NUFIP1: variants seen among roughly 807,000 people sequenced by gnomAD.
NUFIP1 encodes FMR1-interacting protein NUFIP1.
In NUFIP1, 38 loss-of-function variants were observed where a neutral mutation model predicts 56.2. That is an observed-to-expected ratio of 0.68 (90% confidence interval 0.52 to 0.89). The LOEUF is 0.89. Ranked by LOEUF, NUFIP1 falls within the 40% of genes least tolerant of loss-of-function variation. NUFIP1 has a pLI of 0.00. For missense variants in NUFIP1, 567 were observed against 605.8 expected (o/e 0.94, Z 0.67); for synonymous variants, 215 against 212.4 (o/e 1.01, Z -0.10).
chr13:44,960,586 G>A (rs1199671420), intron 6 of NUFIP1, among the ~76,000 whole-genome samples: 3 of 152,214 alleles, frequency 2.0e-5, no homozygotes, highest in African/African-American at 7.2e-5. Context: ...CATTTTTAAG[G>A]AGTTAAAGTT....
chr13:44,988,876 A>T, intron 1 of NUFIP1, 149 bp downstream of exon 1: 1 of 719,310 alleles, frequency 1.4e-6, no homozygotes, highest in Non-Finnish European at 2.2e-6. Flanking sequence ...TTTTGTAGAG[A>T]CGGGGGTCTC....
chr13:44,941,260 G>T lies in NUFIP1; in HGVS notation c.1434C>A (p.Ile478=), dbSNP rs17066360. ...NVILQCVRYI[I]KKDFFGLDTN... is the part of the protein sequence containing the mutation. ...TATCCAGTCCAAAAAAGTCTTTTTT[G>T]ATGATGTACCGAACACACTGCAAAA... The change falls in exon 10 of 10, where the codon ATC becomes ATA. Residue 478 remains isoleucine, a synonymous_variant. Coordinates refer to ENST00000379161, the MANE Select transcript of NUFIP1 (RefSeq NM_012345.3). 1.2e-6 allele frequency: 2 copies of T among 1,611,772 alleles called. No homozygotes were observed. Among genetic ancestry groups the T allele is most frequent in the Non-Finnish European group, 1.7e-6 (2 of 1,179,200 alleles).
At chr13:44,957,303 G>A (rs868273695) in intron 7 of NUFIP1, among the ~76,000 whole-genome samples, 1 of 152,038 alleles carries the variant, frequency 6.6e-6, no homozygotes, top group African/African-American at 2.4e-5. Flanking sequence ...CCTCCACCTC[G>A]GGGGTTCAAG....
At chr13:44,967,660 G>T (rs573243627) in intron 5 of NUFIP1, among the ~76,000 whole-genome samples, 1 of 152,338 alleles carries the variant, frequency 6.6e-6, no homozygotes, top group Non-Finnish European at 1.5e-5. Context: ...AATTCAGCAG[G>T]TGATAGAGAG....
intron 1 of NUFIP1, among the ~76,000 whole-genome samples, chr13:44,985,643 T>C (rs1025919697): frequency 6.6e-6 from 1 of 152,182 alleles, no homozygotes; most frequent in Non-Finnish European, 1.5e-5. Flanking sequence ...GCTACTACTG[T>C]AATTGTTTTG....
intron 5 of NUFIP1, among the ~76,000 whole-genome samples, chr13:44,975,409 C>T (rs1442992672): frequency 6.6e-6 from 1 of 152,098 alleles, no homozygotes; most frequent in Non-Finnish European, 1.5e-5. Context: ...TAATAAGAAC[C>T]ACCTTTCATA....
At chr13:44,971,419 A>G (rs1229212749) in intron 5 of NUFIP1, among the ~76,000 whole-genome samples, 1 of 152,118 alleles carries the variant, frequency 6.6e-6, no homozygotes, top group Non-Finnish European at 1.5e-5. Flanking sequence ...CTATCCCCTC[A>G]GCCCCCACCT....
chr13:44,953,756 C>T (rs1171437635), intron 7 of NUFIP1, among the ~76,000 whole-genome samples: 1 of 152,086 alleles, frequency 6.6e-6, no homozygotes, highest in Non-Finnish European at 1.5e-5. Context: ...GGCTCTGGTT[C>T]CTTTACCTGG....
At chr13:44,967,487 G>A (rs113185147) in intron 5 of NUFIP1, among the ~76,000 whole-genome samples, 5,282 of 151,866 alleles carry the variant, frequency 0.035, 130 homozygotes, top group East Asian at 0.12. Flanking sequence ...CAGCCTGGGC[G>A]ACACAGAAAG....
At chr13:44,958,624 C>A (rs1163331974) in intron 7 of NUFIP1, among the ~76,000 whole-genome samples, 1 of 152,150 alleles carries the variant, frequency 6.6e-6, no homozygotes, top group Non-Finnish European at 1.5e-5. Context: ...AGCCTACAAT[C>A]AAATCTACAA....
chr13:44,947,395 C>A (rs1014088669), intron 8 of NUFIP1, among the ~76,000 whole-genome samples: 2 of 151,912 alleles, frequency 1.3e-5, no homozygotes, highest in Admixed American at 6.6e-5. Flanking sequence ...CACACCACCA[C>A]ACCAGGCTAA....
intron 4 of NUFIP1, 62 bp downstream of exon 4, chr13:44,979,828 G>T: frequency 8.4e-7 from 1 of 1,193,812 alleles, no homozygotes; most frequent in Non-Finnish European, 1.2e-6. Context: ...AAACAGTTGT[G>T]AAGATAACAG....
chr13:44,955,867 G>C (rs576139032), intron 7 of NUFIP1, among the ~76,000 whole-genome samples: 1 of 152,060 alleles, frequency 6.6e-6, no homozygotes, highest in East Asian at 1.9e-4. Context: ...ATTTTGGCCG[G>C]GCGCGGTGGC....
At position 44,979,873 on chromosome 13, in the gene NUFIP1, A is replaced by T. The variant is rs200463058; in HGVS notation, c.657+17T>A. On this transcript the variant is annotated intron_variant, in intron 4 of 9. Transcript: ENST00000379161. ...AAGAGCATGTATTTAAAAATAGGATAAAAAAACAGAACTTACATTTCTCCA... is the reference window on the plus strand; with the variant it reads ...AAGAGCATGTATTTAAAAATAGGATTAAAAAACAGAACTTACATTTCTCCA... 68 of 1,568,282 alleles carry T rather than the reference A, an allele frequency of 4.3e-5. No homozygotes were observed. Among genetic ancestry groups the T allele is most frequent in the East Asian group, 1.1e-4 (5 of 44,472 alleles).
intron 5 of NUFIP1, among the ~76,000 whole-genome samples, chr13:44,973,663 T>C (rs1459693261): frequency 1.3e-5 from 2 of 152,184 alleles, no homozygotes; most frequent in Admixed American, 1.3e-4. Context: ...ATAAAGGATA[T>C]CTGTGCTAAA....
intron 6 of NUFIP1, among the ~76,000 whole-genome samples, 173 bp from the exon 7 acceptor site, chr13:44,959,747 G>A (rs1284958491): frequency 6.6e-6 from 1 of 151,960 alleles, no homozygotes; most frequent in Admixed American, 6.6e-5. Flanking sequence ...AGACAGGGAA[G>A]CCTATGATAG....
chr13:44,957,849 T>G (rs1205637359), intron 7 of NUFIP1, among the ~76,000 whole-genome samples: 1 of 152,150 alleles, frequency 6.6e-6, no homozygotes, highest in Non-Finnish European at 1.5e-5. Context: ...TTACATAATT[T>G]TCAAATTAGT....
At chr13:44,942,267 T>A (rs1593355293) in intron 9 of NUFIP1, among the ~76,000 whole-genome samples, 1 of 152,174 alleles carries the variant, frequency 6.6e-6, no homozygotes, top group Non-Finnish European at 1.5e-5. Flanking sequence ...AAGCTAGAAA[T>A]CCCTGGTATT....
At position 44,941,203 on chromosome 13, in the gene NUFIP1, T is replaced by G. The variant is rs779164500; in HGVS notation, c.*3A>C. ...CAGTTATGTATGCTGAAACACCAGA[T>G]GCCTATACATCTTTACTTTTCGCAG... On this transcript the variant is annotated 3_prime_UTR_variant, in exon 10 of 10. Transcript: ENST00000379161. 6.9e-7 allele frequency: 1 copy of G among 1,448,400 alleles called. No individual in the cohort carries two copies. The highest frequency in any genetic ancestry group is 1.7e-5 in the Admixed American group (1 of 57,394). The allele number at this position is 1,448,400 out of a possible 1,614,324, so 89.7% of individuals were successfully genotyped here. A position where few individuals can be genotyped will look rare whatever the true frequency, so the allele number is the denominator to read the frequency against.
Sources: allele counts gnomAD v4.1 joint callset (sites outside exome capture counted in the v4.1 genomes callset), GRCh38; gene constraint gnomAD v4.1.1; transcripts MANE v1.5; gene names NCBI Gene and HGNC (gene_info 2026-07-23, HGNC 2026-07-21).